Variants in CRYZL1 observed in about 807,000 individuals in gnomAD.
CRYZL1 encodes crystallin zeta like 1.
CRYZL1 carries 34 observed loss-of-function variants against 50.6 expected under a neutral mutation model. The ratio of observed to expected loss-of-function variants is 0.67; its 90% CI spans 0.51 to 0.89. The LOEUF (loss-of-function observed/expected upper bound fraction) is 0.89, where lower values mean the gene tolerates loss of function less well. Among genes scored for constraint, CRYZL1 ranks in the 40% least tolerant of loss-of-function variants. CRYZL1 has a pLI of 0.00. For missense variants in CRYZL1, 354 were observed against 402.3 expected (o/e 0.88, Z 1.03); for synonymous variants, 125 against 134.3 (o/e 0.93, Z 0.48).
chr21:33,634,957 A>C (rs977448483), intron 1 of CRYZL1, among the ~76,000 whole-genome samples: 1 of 151,788 alleles, frequency 6.6e-6, no homozygotes, highest in African/African-American at 2.4e-5. Context: ...TCTCTAAATT[A>C]GGTGAAAATT....
intron 11 of CRYZL1, chr21:33,595,492 A>C: frequency 7.6e-7 from 1 of 1,311,720 alleles, no homozygotes; most frequent in Non-Finnish European, 1.0e-6. Flanking sequence ...TGCGTCCTTG[A>C]GTCTGTATCA....
intron 4 of CRYZL1, among the ~76,000 whole-genome samples, chr21:33,618,544 T>C (rs1234146121): frequency 6.6e-6 from 1 of 152,204 alleles, no homozygotes; most frequent in East Asian, 1.9e-4. Flanking sequence ...GAAGCTGACA[T>C]GAAGCGGTGA....
chr21:33,637,779 AT>A (rs1366012891), intron 1 of CRYZL1, among the ~76,000 whole-genome samples: 1 of 147,028 alleles, frequency 6.8e-6, no homozygotes, highest in Non-Finnish European at 1.5e-5. Context: ...ATATATATAT[AT>A]ATATATATAC....
chr21:33,638,662 C>T lies in CRYZL1; in HGVS notation c.-7+3019G>A, dbSNP rs74416946. Among the ~76,000 whole-genome samples, 268 of 152,342 alleles carry T rather than the reference C, an allele frequency of 1.8e-3. 2 individuals are homozygous for T. The highest frequency in any genetic ancestry group is 6.2e-3 in the African/African-American group (258 of 41,570). On this transcript the variant is annotated intron_variant, in intron 1 of 12. Coordinates refer to ENST00000381554, the MANE Select transcript of CRYZL1 (RefSeq NM_145858.3). ...GGTGTTTTGGGTGTTTTGCTGTGCA[C>T]AACTGCAGTGCTCTTTTGTGCCTGT...
chr21:33,616,648 A>G (rs2086936739), intron 5 of CRYZL1, 58 bp downstream of exon 5: 1 of 1,602,978 alleles, frequency 6.2e-7, no homozygotes, highest in East Asian at 2.2e-5. Context: ...TTATATAGAA[A>G]AAACAGAGAT....
At chr21:33,637,325 G>A (rs1006600296) in intron 1 of CRYZL1, among the ~76,000 whole-genome samples, 68 of 151,712 alleles carry the variant, frequency 4.5e-4, no homozygotes, top group African/African-American at 1.6e-3. Flanking sequence ...GGTGCCTGTA[G>A]TCCCAGCTAC....
chr21:33,595,825 T>C lies in CRYZL1; in HGVS notation c.810A>G (p.Pro270=), dbSNP rs1443858155. The part of the protein sequence containing the change: ...TTEENLQLDP[P]DSHCLFLKGA... ...CCTTGAGGAAAAGGCAGTGGCTATCTGGAGGATCCAACTTGGATAGAATGA... is the reference window on the plus strand; with the variant it reads ...CCTTGAGGAAAAGGCAGTGGCTATCCGGAGGATCCAACTTGGATAGAATGA... The change falls in exon 11 of 13, where the codon CCA becomes CCG. Residue 270 remains proline (P), a synonymous_variant. Transcript: ENST00000381554. 84 of 1,610,542 alleles carry C rather than the reference T, an allele frequency of 5.2e-5. No individual in the cohort carries two copies. The highest frequency in any genetic ancestry group is 7.1e-5 in the Non-Finnish European group (84 of 1,176,828).
chr21:33,624,809 GA>G, intron 2 of CRYZL1, 49 bp from the exon 3 acceptor site: 1 of 1,569,998 alleles, frequency 6.4e-7, no homozygotes, highest in Non-Finnish European at 8.6e-7. Context: ...ACATTCCTAT[GA>G]GAATATGTCT....
chr21:33,626,847 C>T (rs2087071216), intron 2 of CRYZL1, among the ~76,000 whole-genome samples: 2 of 152,164 alleles, frequency 1.3e-5, no homozygotes, highest in Admixed American at 6.5e-5. Flanking sequence ...GTCTCCTCTA[C>T]CCAATATGCC....
intron 1 of CRYZL1, chr21:33,640,010 G>C: frequency 3.1e-6 from 2 of 638,450 alleles, no homozygotes; most frequent in Non-Finnish European, 4.9e-6. Context: ...ATTTTTAGTA[G>C]ACACGGGGTT....
rs184112893 is a variant in CRYZL1 at position 33,591,025 on chromosome 21, T to C, written c.950+137A>G. On this transcript the variant is annotated intron_variant, in intron 12 of 12. Coordinates refer to ENST00000381554, the MANE Select transcript of CRYZL1 (RefSeq NM_145858.3). ...CTTTCAATGGCAAAAACCACAATTA[T>C]GTTTGCACCAACCTAATAATAAAAT... The C allele has an allele frequency of 5.5e-5, 38 of 695,560 alleles. No homozygotes were observed. The East Asian group carries it at 7.9e-4, about 14-fold the overall frequency. The allele number at this position is 695,560 out of a possible 1,614,324, so 43.1% of individuals were successfully genotyped here.
At chr21:33,590,041 A>G in intron 12 of CRYZL1, 120 bp from the exon 13 acceptor site, 1 of 602,930 alleles carries the variant, frequency 1.7e-6, no homozygotes, top group Non-Finnish European at 2.9e-6. Context: ...TTTTTGAGAC[A>G]GAGTCTGGCT....
intron 2 of CRYZL1, among the ~76,000 whole-genome samples, chr21:33,630,096 C>A (rs1042131004): frequency 9.9e-5 from 15 of 152,072 alleles, no homozygotes; most frequent in African/African-American, 3.6e-4. Flanking sequence ...TCGATCATGG[C>A]CGTCAGGGAA....
chr21:33,625,834 A>T (rs910424658), intron 2 of CRYZL1, among the ~76,000 whole-genome samples: 2 of 150,582 alleles, frequency 1.3e-5, no homozygotes, highest in Non-Finnish European at 3.0e-5. Flanking sequence ...AAATATAATT[A>T]AAAAAAAATA....
intron 3 of CRYZL1, among the ~76,000 whole-genome samples, chr21:33,622,403 A>C (rs557292855): frequency 2.0e-5 from 3 of 152,310 alleles, no homozygotes; most frequent in African/African-American, 7.2e-5. Context: ...ACTATCAGTC[A>C]TCTTACTCAG....
chr21:33,636,136 T>A (rs1257388822), intron 1 of CRYZL1, among the ~76,000 whole-genome samples: 2 of 152,192 alleles, frequency 1.3e-5, no homozygotes, highest in Non-Finnish European at 2.9e-5. Context: ...GGCTCACACC[T>A]GTCATCCCAA....
chr21:33,610,168 G>A (rs1477564995), intron 6 of CRYZL1, among the ~76,000 whole-genome samples: 2 of 149,926 alleles, frequency 1.3e-5, no homozygotes, highest in Non-Finnish European at 3.0e-5. Context: ...CTTATTTTAT[G>A]CTATTTTATT....
chr21:33,609,512 T>C (rs1322480292), intron 6 of CRYZL1, among the ~76,000 whole-genome samples: 1 of 152,068 alleles, frequency 6.6e-6, no homozygotes, highest in African/African-American at 2.4e-5. Flanking sequence ...GGTTTCACCA[T>C]GTTATCCAGG....
chr21:33,597,846 C>T (rs1013302451), intron 9 of CRYZL1, among the ~76,000 whole-genome samples: 29 of 152,192 alleles, frequency 1.9e-4, no homozygotes, highest in Non-Finnish European at 4.4e-5. Context: ...AATCTCCTGA[C>T]CTCGTGATCC....
Sources: gnomAD v4.1 joint callset for allele counts (sites outside exome capture counted in the v4.1 genomes callset) on GRCh38, gnomAD v4.1.1 for gene constraint, MANE v1.5 for transcripts, NCBI Gene and HGNC (gene_info 2026-07-23, HGNC 2026-07-21) for gene names.